PRKCE: variants seen among roughly 807,000 people sequenced by gnomAD.
PRKCE encodes the protein protein kinase C epsilon.
PRKCE carries 16 observed loss-of-function variants against 85.4 expected under a neutral mutation model. The ratio of observed to expected loss-of-function variants is 0.19; its 90% CI spans 0.13 to 0.28. The LOEUF (loss-of-function observed/expected upper bound fraction) is 0.28, where lower values mean the gene tolerates loss of function less well. PRKCE is among the 10% of genes least tolerant of loss of function. The pLI is 1.00. For synonymous variants in PRKCE, 388 were observed against 371.5 expected (o/e 1.04, Z -0.51); for missense variants, 573 against 975.2 (o/e 0.59, Z 5.49).
intron 1 of PRKCE, among the ~76,000 whole-genome samples, chr2:45,765,987 C>T (rs770737565): frequency 2.0e-5 from 3 of 152,170 alleles, no homozygotes; most frequent in Non-Finnish European, 4.4e-5. Context: ...CAAGTCCAGA[C>T]GTTGGTTCCA....
intron 1 of PRKCE, among the ~76,000 whole-genome samples, chr2:45,745,802 A>G (rs77800504): frequency 0.052 from 7,952 of 152,082 alleles, 724 homozygotes; most frequent in African/African-American, 0.18. Context: ...AGCAGACAAT[A>G]TCAGCGTTCC....
intron 10 of PRKCE, among the ~76,000 whole-genome samples, chr2:46,064,883 G>C (rs1226063796): frequency 6.6e-6 from 1 of 152,162 alleles, no homozygotes; most frequent in Non-Finnish European, 1.5e-5. Context: ...GGGGAGAAAA[G>C]GACTGGGGCA....
At chr2:45,998,467 G>C (rs1354912115) in intron 6 of PRKCE, among the ~76,000 whole-genome samples, 1 of 152,108 alleles carries the variant, frequency 6.6e-6, no homozygotes, top group African/African-American at 2.4e-5. Flanking sequence ...AATTAATTTA[G>C]CTTTTCTGCT....
chr2:46,008,222 G>A (rs1705369017), intron 9 of PRKCE, among the ~76,000 whole-genome samples: 1 of 152,158 alleles, frequency 6.6e-6, no homozygotes, highest in Non-Finnish European at 1.5e-5. Context: ...TCATGCCTCG[G>A]ATCAGGGTCC....
At chr2:45,748,976 G>C (rs1683345254) in intron 1 of PRKCE, among the ~76,000 whole-genome samples, 1 of 150,434 alleles carries the variant, frequency 6.6e-6, no homozygotes, top group South Asian at 2.1e-4. Context: ...TGCAACCTCT[G>C]CCTCTTGGGT....
chr2:45,771,134 G>A (rs2104912783), intron 1 of PRKCE, among the ~76,000 whole-genome samples: 1 of 152,210 alleles, frequency 6.6e-6, no homozygotes, highest in Admixed American at 6.5e-5. Flanking sequence ...ATGCAGGGGT[G>A]GGAAGAGGTG....
At chr2:46,126,039 G>C (rs1673816014) in intron 11 of PRKCE, among the ~76,000 whole-genome samples, 1 of 152,230 alleles carries the variant, frequency 6.6e-6, no homozygotes, top group Admixed American at 6.5e-5. Flanking sequence ...TTCTTGCCGA[G>C]TGGGCTCAGG....
chr2:45,747,889 G>C (rs1441299442), intron 1 of PRKCE, among the ~76,000 whole-genome samples: 1 of 149,100 alleles, frequency 6.7e-6, no homozygotes, highest in East Asian at 1.9e-4. Flanking sequence ...TTTTCTTTTT[G>C]GATAGTAACC....
intron 11 of PRKCE, among the ~76,000 whole-genome samples, chr2:46,103,653 C>A (rs773591969): frequency 5.5e-4 from 84 of 152,074 alleles, no homozygotes; most frequent in Non-Finnish European, 1.2e-4. Flanking sequence ...TGCCCAGAAG[C>A]CTTACTGATA....
At chr2:46,044,868 A>G (rs1708423973) in intron 10 of PRKCE, among the ~76,000 whole-genome samples, 1 of 152,204 alleles carries the variant, frequency 6.6e-6, no homozygotes, top group African/African-American at 2.4e-5. Context: ...AAGCAGGAGA[A>G]TCTGTCACAG....
intron 2 of PRKCE, among the ~76,000 whole-genome samples, chr2:45,846,821 C>G (rs576444992): frequency 6.6e-6 from 1 of 152,266 alleles, no homozygotes; most frequent in Admixed American, 6.5e-5. Context: ...AGGTGCTAGG[C>G]CAGGATTGTC....
At chr2:45,979,096 G>C (rs1267397374) in intron 4 of PRKCE, 86 bp downstream of exon 4, 7 of 1,307,222 alleles carry the variant, frequency 5.4e-6, no homozygotes, top group Non-Finnish European at 7.6e-6. Flanking sequence ...TGCTCAGTCT[G>C]ATGACATTTG....
At chr2:46,032,070 T>C (rs1707560698) in intron 10 of PRKCE, among the ~76,000 whole-genome samples, 1 of 152,160 alleles carries the variant, frequency 6.6e-6, no homozygotes, top group Non-Finnish European at 1.5e-5. Flanking sequence ...AAATAATACT[T>C]CCCTTAGAAG....
intron 1 of PRKCE, among the ~76,000 whole-genome samples, chr2:45,663,558 C>T (rs1304622177): frequency 2.0e-5 from 3 of 152,084 alleles, no homozygotes; most frequent in African/African-American, 4.8e-5. Context: ...CCGAGGCAGG[C>T]GGATCACAAG....
At chr2:46,112,733 T>A (rs143412475) in intron 11 of PRKCE, among the ~76,000 whole-genome samples, 1,809 of 152,212 alleles carry the variant, frequency 0.012, 13 homozygotes, top group Admixed American at 0.02. Context: ...TTGGCCAGGC[T>A]AGTCTCAAAC....
rs1679063314 is a variant in PRKCE at position 45,705,762 on chromosome 2, A to G, written c.348+53314A>G. Among the ~76,000 whole-genome samples, 4 of 152,330 alleles carry G rather than the reference A, an allele frequency of 2.6e-5. No homozygotes were observed. In the South Asian group the frequency reaches 8.3e-4, roughly 32 times the overall value. Reference sequence around the variant, plus strand: ...GGTAGCTTTACCAGGCATAATTTCTATAATCCATAGAGTGTCAAGAAGGTA... The same window carrying G: ...GGTAGCTTTACCAGGCATAATTTCTGTAATCCATAGAGTGTCAAGAAGGTA... On this transcript the variant is annotated intron_variant, in intron 1 of 14. Transcript: ENST00000306156.
At chr2:45,980,464 A>G in intron 5 of PRKCE, 83 bp downstream of exon 5, 1 of 1,300,682 alleles carries the variant, frequency 7.7e-7, no homozygotes, top group South Asian at 1.2e-5. Context: ...TCCCAAGAAA[A>G]CCTTCTCTGC....
intron 10 of PRKCE, among the ~76,000 whole-genome samples, chr2:46,042,242 GAC>G (rs1346264838): frequency 1.3e-5 from 2 of 152,128 alleles, no homozygotes; most frequent in African/African-American, 2.4e-5. Flanking sequence ...ATCCACAGCT[GAC>G]ACACAGTCTG....
intron 10 of PRKCE, among the ~76,000 whole-genome samples, chr2:46,061,859 CTTTTTTTT>C (rs10695600): frequency 3.7e-5 from 4 of 107,746 alleles, no homozygotes; most frequent in African/African-American, 1.6e-4. Flanking sequence ...TTTTCTTTTT[CTTTTTTTT>C]TTTTTTTTTT....
Sources: gnomAD v4.1 joint callset for allele counts (sites outside exome capture counted in the v4.1 genomes callset) on GRCh38, gnomAD v4.1.1 for gene constraint, MANE v1.5 for transcripts, NCBI Gene and HGNC (gene_info 2026-07-23, HGNC 2026-07-21) for gene names.